The following PGBD2 variants were observed in gnomAD, a reference collection of about 807,000 sequenced individuals.
The protein encoded by PGBD2 is piggyBac transposable element derived 2, also known as piggyBac transposable element-derived protein 2.
Under a neutral mutation model 8.1 loss-of-function variants are expected in PGBD2, and 6 were observed. The observed-to-expected ratio is 0.74, with a 90% CI of 0.40 to 1.46. The LOEUF (loss-of-function observed/expected upper bound fraction) is 1.46. Among genes scored for constraint, PGBD2 ranks in the 40% most tolerant of loss-of-function variants. PGBD2 has a pLI of 0.02. For synonymous variants in PGBD2, 318 were observed against 272.2 expected (o/e 1.17, Z -1.66); for missense variants, 802 against 739.0 (o/e 1.09, Z -0.99).
downstream of PGBD2, among the ~76,000 whole-genome samples, chr1:248,921,668 G>A (rs1485138248): frequency 1.3e-5 from 2 of 152,138 alleles, no homozygotes; most frequent in Admixed American, 1.3e-4. Context: ...ACAATTCTGT[G>A]AAGAAAGTCA....
At chr1:248,883,635 C>T in the PGBD2 span, among the ~76,000 whole-genome samples, 1,302 of 113,532 alleles carry the variant, frequency 0.011, 29 homozygotes, top group African/African-American at 0.045. Flanking sequence ...GTCGCCTTGT[C>T]GCCCAGGCTG....
the PGBD2 span, among the ~76,000 whole-genome samples, chr1:248,873,333 G>T: frequency 2.0e-5 from 3 of 152,212 alleles, no homozygotes; most frequent in Admixed American, 6.5e-5. Context: ...CTCCCGATCC[G>T]GCCGTTATCG....
intron 1 of PGBD2, among the ~76,000 whole-genome samples, chr1:248,906,632 G>C (rs1345830267): frequency 6.9e-6 from 1 of 145,910 alleles, no homozygotes; most frequent in Non-Finnish European, 1.5e-5. Flanking sequence ...GATGGATTCA[G>C]GGCGGGGTGG....
the PGBD2 span, among the ~76,000 whole-genome samples, chr1:248,888,603 G>A: frequency 6.6e-6 from 1 of 151,890 alleles, no homozygotes; most frequent in African/African-American, 2.4e-5. Context: ...TTTGCTTGTT[G>A]ATTTGTTTCA....
downstream of PGBD2, among the ~76,000 whole-genome samples, chr1:248,924,118 G>A (rs543482808): frequency 4.6e-5 from 7 of 152,354 alleles, no homozygotes; most frequent in South Asian, 6.2e-4. Context: ...CCCCTATAGC[G>A]TGGGAGCAGT....
chr1:248,904,450 C>T (rs547673784), upstream of PGBD2, among the ~76,000 whole-genome samples: 4 of 152,072 alleles, frequency 2.6e-5, no homozygotes, highest in South Asian at 6.2e-4. Flanking sequence ...CACTTGGTCC[C>T]GATCTTTTTA....
At chr1:248,886,560 G>T in the PGBD2 span, among the ~76,000 whole-genome samples, 1 of 152,202 alleles carries the variant, frequency 6.6e-6, no homozygotes, top group African/African-American at 2.4e-5. Flanking sequence ...TGGGATAAAA[G>T]GTGGGGGTTG....
the PGBD2 span, among the ~76,000 whole-genome samples, chr1:248,929,974 T>G: frequency 6.6e-6 from 1 of 152,106 alleles, no homozygotes. Context: ...AGACCAGAGT[T>G]TCGTTGTCCT....
chr1:248,895,417 G>A, the PGBD2 span, among the ~76,000 whole-genome samples: 1 of 152,176 alleles, frequency 6.6e-6, no homozygotes, highest in African/African-American at 2.4e-5. Context: ...GGGTTCTGCT[G>A]CTCAAGGAAG....
At chr1:248,880,357 G>T in the PGBD2 span, among the ~76,000 whole-genome samples, 4 of 152,216 alleles carry the variant, frequency 2.6e-5, no homozygotes, top group African/African-American at 9.6e-5. Context: ...GTTGTTGCCA[G>T]TCAGATGCTT....
chr1:248,886,787 G>A, the PGBD2 span, among the ~76,000 whole-genome samples: 1 of 152,130 alleles, frequency 6.6e-6, no homozygotes, highest in Admixed American at 6.5e-5. Context: ...CTTATTAACT[G>A]GCGTTTCTTG....
intron 2 of PGBD2, among the ~76,000 whole-genome samples, chr1:248,914,246 G>C (rs1292516110): frequency 6.6e-6 from 1 of 152,184 alleles, no homozygotes; most frequent in African/African-American, 2.4e-5. Context: ...AGAGTCTGGG[G>C]GTGAGCTGGA....
the PGBD2 span, among the ~76,000 whole-genome samples, chr1:248,881,767 C>T: frequency 6.6e-6 from 1 of 152,168 alleles, no homozygotes; most frequent in Non-Finnish European, 1.5e-5. Flanking sequence ...GTTCTACAAT[C>T]TTTGCTGTTA....
the PGBD2 span, among the ~76,000 whole-genome samples, chr1:248,898,632 C>G: frequency 1.3e-5 from 2 of 152,144 alleles, no homozygotes; most frequent in South Asian, 2.1e-4. Flanking sequence ...AAGGAAAAAC[C>G]GTTACCAGCC....
chr1:248,928,047 CTGTTTTTTGTT>C, the PGBD2 span, among the ~76,000 whole-genome samples: 8 of 152,034 alleles, frequency 5.3e-5, no homozygotes, highest in Admixed American at 2.0e-4. Context: ...ACTTCTTCCT[CTGTTTTTTGTT>C]TGTTTTTTGT....
chr1:248,911,610 C>G (rs1163466118), intron 1 of PGBD2, among the ~76,000 whole-genome samples: 1 of 146,416 alleles, frequency 6.8e-6, no homozygotes, highest in Non-Finnish European at 1.5e-5. Context: ...GTCATCCTGG[C>G]CCGTTCTCAA....
the PGBD2 span, among the ~76,000 whole-genome samples, chr1:248,899,789 T>G: frequency 6.7e-6 from 1 of 149,450 alleles, no homozygotes; most frequent in Admixed American, 6.6e-5. Flanking sequence ...AGGAGCTGTT[T>G]TTTTTGGGAA....
the PGBD2 span, among the ~76,000 whole-genome samples, chr1:248,875,104 C>T: frequency 4.0e-5 from 6 of 151,798 alleles, no homozygotes; most frequent in African/African-American, 1.2e-4. Context: ...GAGACCATCC[C>T]GGCTGACAGG....
the PGBD2 span, among the ~76,000 whole-genome samples, chr1:248,893,853 C>T: frequency 6.6e-6 from 1 of 152,304 alleles, no homozygotes; most frequent in African/African-American, 2.4e-5. Context: ...TTCACATCTC[C>T]ACCAACAATG....
Sources: allele counts gnomAD v4.1 joint callset (sites outside exome capture counted in the v4.1 genomes callset), GRCh38; gene constraint gnomAD v4.1.1; transcripts MANE v1.5; gene names NCBI Gene and HGNC (gene_info 2026-07-23, HGNC 2026-07-21).